The following RBFOX1 variants were observed in gnomAD, a reference collection of about 807,000 sequenced individuals.
The protein encoded by RBFOX1 is RNA binding fox-1 homolog 1.
A neutral mutation model predicts 57.7 loss-of-function variants in RBFOX1; 8 were observed. The observed-to-expected ratio is 0.14, with a 90% CI of 0.08 to 0.25. The LOEUF (loss-of-function observed/expected upper bound fraction) is 0.25. Ranked by LOEUF, RBFOX1 falls within the 10% of genes least tolerant of loss-of-function variation. The pLI, the probability that RBFOX1 is intolerant of heterozygous loss-of-function variation, is 1.00. For synonymous variants in RBFOX1, 326 were observed against 222.4 expected, an observed-to-expected ratio of 1.47 and a Z score of -4.15; for missense variants, 611 against 548.5, an observed-to-expected ratio of 1.11 and a Z score of -1.14.
At chr16:7,199,225 G>C (rs1020705265) in intron 4 of RBFOX1, among the ~76,000 whole-genome samples, 1 of 152,160 alleles carries the variant, frequency 6.6e-6, no homozygotes, top group African/African-American at 2.4e-5. Context: ...ATTTTAAGGA[G>C]CTAAGAGCTT....
chr16:6,212,731 A>AC (rs56322231), intron 1 of RBFOX1, among the ~76,000 whole-genome samples: 122,476 of 150,272 alleles, frequency 0.82, 50,104 homozygotes, highest in Non-Finnish European at 0.87. Flanking sequence ...AAACAAACAA[A>AC]AAAAAAACCC....
chr16:7,612,870 A>G (rs541831362), intron 10 of RBFOX1, among the ~76,000 whole-genome samples: 1 of 152,312 alleles, frequency 6.6e-6, no homozygotes, highest in East Asian at 1.9e-4. Flanking sequence ...TTCTGTGATT[A>G]AATATTCCAT....
intron 3 of RBFOX1, among the ~76,000 whole-genome samples, chr16:6,658,915 T>A (rs1038050255): frequency 8.1e-6 from 1 of 123,686 alleles, no homozygotes; most frequent in Non-Finnish European, 1.8e-5. Context: ...GTTTTTTGTT[T>A]TTTTGTTTTT....
chr16:6,489,175 A>G (rs1381005246), intron 2 of RBFOX1, among the ~76,000 whole-genome samples: 2 of 152,016 alleles, frequency 1.3e-5, no homozygotes, highest in East Asian at 3.9e-4. Flanking sequence ...TTTCCTTGGT[A>G]CTCTTGTCAC....
chr16:7,202,093 G>A (rs1237721787), intron 4 of RBFOX1, among the ~76,000 whole-genome samples: 1 of 151,912 alleles, frequency 6.6e-6, no homozygotes, highest in Non-Finnish European at 1.5e-5. Flanking sequence ...ATCAATATGG[G>A]TTACTCAACA....
intron 3 of RBFOX1, among the ~76,000 whole-genome samples, chr16:6,771,871 T>C (rs8051610): frequency 0.62 from 94,009 of 151,976 alleles, 29,376 homozygotes; most frequent in East Asian, 0.69. Context: ...GGCTGTGTCT[T>C]TTCCCTTCTC....
At chr16:6,692,652 G>A (rs1332608364) in intron 3 of RBFOX1, among the ~76,000 whole-genome samples, 1 of 148,184 alleles carries the variant, frequency 6.7e-6, no homozygotes, top group Non-Finnish European at 1.5e-5. Flanking sequence ...TTTTTTTACT[G>A]TTTCTTCCAC....
At chr16:6,712,538 C>A (rs936978852) in intron 3 of RBFOX1, among the ~76,000 whole-genome samples, 5 of 152,136 alleles carry the variant, frequency 3.3e-5, no homozygotes, top group Admixed American at 6.5e-5. Flanking sequence ...TGACACAGGG[C>A]ATCATCTTCT....
At chr16:6,961,145 C>CACACACACA (rs142889433) in intron 3 of RBFOX1, among the ~76,000 whole-genome samples, 17 of 143,766 alleles carry the variant, frequency 1.2e-4, no homozygotes, top group African/African-American at 2.6e-4. Flanking sequence ...TCACACACAC[C>CACACACACA]CACACAGACA....
intron 2 of RBFOX1, among the ~76,000 whole-genome samples, chr16:6,451,210 A>G (rs1234758650): frequency 6.6e-6 from 1 of 151,896 alleles, no homozygotes; most frequent in African/African-American, 2.4e-5. Context: ...TTATTTTTGA[A>G]GCAAAATAGC....
intron 4 of RBFOX1, among the ~76,000 whole-genome samples, chr16:7,446,845 C>T (rs1446225524): frequency 9.2e-6 from 1 of 108,342 alleles, no homozygotes. Context: ...CAGTGTCTCA[C>T]TCTGTCACCC....
At chr16:6,850,796 A>G (rs2094018320) in intron 3 of RBFOX1, among the ~76,000 whole-genome samples, 1 of 152,200 alleles carries the variant, frequency 6.6e-6, no homozygotes, top group Non-Finnish European at 1.5e-5. Flanking sequence ...TGACTTAATC[A>G]CTTTGGAAAA....
chr16:5,762,382 A>T (rs2053623149), intron 3 of RBFOX1, among the ~76,000 whole-genome samples: 1 of 152,044 alleles, frequency 6.6e-6, no homozygotes, highest in South Asian at 2.1e-4. Context: ...GAAGAAAGAA[A>T]ACTCAAGTCA....
chr16:7,319,806 A>G (rs1003445312), intron 4 of RBFOX1, among the ~76,000 whole-genome samples: 2 of 152,136 alleles, frequency 1.3e-5, no homozygotes, highest in African/African-American at 4.8e-5. Context: ...TCCCTGCTCA[A>G]GTTGCCATGA....
At chr16:5,535,966 C>G (rs867448951) in intron 2 of RBFOX1, among the ~76,000 whole-genome samples, 1 of 152,058 alleles carries the variant, frequency 6.6e-6, no homozygotes, top group Non-Finnish European at 1.5e-5. Flanking sequence ...TTGATCTTTC[C>G]GATGAGTTAG....
chr16:6,875,845 A>C (rs1196470653), intron 3 of RBFOX1, among the ~76,000 whole-genome samples: 1 of 152,020 alleles, frequency 6.6e-6, no homozygotes, highest in African/African-American at 2.4e-5. Context: ...TCTCTACAAA[A>C]AAATTAGCCA....
intron 4 of RBFOX1, among the ~76,000 whole-genome samples, chr16:7,347,879 C>A (rs895459530): frequency 6.6e-6 from 1 of 152,156 alleles, no homozygotes. Context: ...AGACAGGCGT[C>A]TTGCAGGGTG....
At chr16:5,889,504 T>G (rs2057992460) in intron 4 of RBFOX1, among the ~76,000 whole-genome samples, 1 of 152,236 alleles carries the variant, frequency 6.6e-6, no homozygotes, top group Non-Finnish European at 1.5e-5. Context: ...CTTTACTATG[T>G]GAAATAGTGC....
chr16:5,839,368 C>T (rs2056555103), intron 3 of RBFOX1, among the ~76,000 whole-genome samples: 2 of 152,052 alleles, frequency 1.3e-5, no homozygotes. Context: ...CACTTTTTGC[C>T]AAAAGCCCTT....
Sources: allele counts gnomAD v4.1 joint callset (sites outside exome capture counted in the v4.1 genomes callset), GRCh38; gene constraint gnomAD v4.1.1; transcripts MANE v1.5; gene names NCBI Gene and HGNC (gene_info 2026-07-23, HGNC 2026-07-21).